RBFOX1: variants seen among roughly 807,000 people sequenced by gnomAD.
RBFOX1 encodes the protein RNA binding fox-1 homolog 1.
In RBFOX1, 8 loss-of-function variants were observed where a neutral mutation model predicts 57.7. The observed-to-expected ratio is 0.14, with a 90% CI of 0.08 to 0.25. The LOEUF (loss-of-function observed/expected upper bound fraction) is 0.25. RBFOX1 is among the 10% of genes least tolerant of loss of function. RBFOX1 has a pLI of 1.00. For synonymous variants in RBFOX1, 326 were observed against 222.4 expected (o/e 1.47, Z -4.15); for missense variants, 611 against 548.5 (o/e 1.11, Z -1.14).
At chr16:6,561,229 G>C (rs1040803188) in intron 2 of RBFOX1, among the ~76,000 whole-genome samples, 2 of 152,100 alleles carry the variant, frequency 1.3e-5, no homozygotes, top group African/African-American at 4.8e-5. Flanking sequence ...TGTCTACTAG[G>C]GAAAAGATTC....
chr16:6,291,991 A>G (rs2077517829), intron 1 of RBFOX1, among the ~76,000 whole-genome samples: 1 of 151,598 alleles, frequency 6.6e-6, no homozygotes, highest in Non-Finnish European at 1.5e-5. Flanking sequence ...GTGTGTGTGT[A>G]GTTTGGGTCT....
chr16:6,083,432 C>A (rs1033310532), intron 1 of RBFOX1, among the ~76,000 whole-genome samples: 1 of 152,132 alleles, frequency 6.6e-6, no homozygotes, highest in Non-Finnish European at 1.5e-5. Context: ...TTTCTTTCAA[C>A]TGCATATCAT....
At chr16:7,337,085 T>G (rs1357251885) in intron 4 of RBFOX1, among the ~76,000 whole-genome samples, 1 of 152,202 alleles carries the variant, frequency 6.6e-6, no homozygotes, top group African/African-American at 2.4e-5. Context: ...GGTAAGAAAT[T>G]GCAGTCATGC....
At chr16:6,579,335 C>T (rs1320792792) in intron 2 of RBFOX1, among the ~76,000 whole-genome samples, 2 of 152,050 alleles carry the variant, frequency 1.3e-5, no homozygotes, top group African/African-American at 4.8e-5. Flanking sequence ...TCTTGAGTAG[C>T]TGGGACTATA....
chr16:6,945,048 C>G (rs1046171881), intron 3 of RBFOX1, among the ~76,000 whole-genome samples: 3 of 152,060 alleles, frequency 2.0e-5, no homozygotes, highest in African/African-American at 4.8e-5. Context: ...ATCCCGTGTT[C>G]TAATGCATTA....
intron 1 of RBFOX1, among the ~76,000 whole-genome samples, chr16:5,275,586 A>T (rs2063120952): frequency 6.6e-6 from 1 of 152,254 alleles, no homozygotes. Context: ...GGGTAGACTC[A>T]CTATTGTGAA....
chr16:7,417,466 C>A (rs1315916036), intron 4 of RBFOX1, among the ~76,000 whole-genome samples: 2 of 151,826 alleles, frequency 1.3e-5, no homozygotes, highest in Non-Finnish European at 2.9e-5. Context: ...CCACCACCAC[C>A]AGGAAACTGA....
At chr16:6,777,339 G>T (rs2079546878) in intron 3 of RBFOX1, among the ~76,000 whole-genome samples, 2 of 152,108 alleles carry the variant, frequency 1.3e-5, no homozygotes, top group Admixed American at 1.3e-4. Context: ...ATACCTAGTG[G>T]ATGATGTTTA....
At chr16:6,864,464 A>C (rs2059563690) in intron 3 of RBFOX1, among the ~76,000 whole-genome samples, 1 of 152,184 alleles carries the variant, frequency 6.6e-6, no homozygotes, top group African/African-American at 2.4e-5. Flanking sequence ...TGCCCGAAAA[A>C]GTATAAATGA....
intron 4 of RBFOX1, among the ~76,000 whole-genome samples, chr16:7,206,558 C>T (rs2090019758): frequency 6.6e-6 from 1 of 151,852 alleles, no homozygotes; most frequent in Admixed American, 6.6e-5. Context: ...AATACCATTC[C>T]CTCTGCCAAT....
At chr16:6,944,399 A>G (rs1414729273) in intron 3 of RBFOX1, among the ~76,000 whole-genome samples, 11 of 60,552 alleles carry the variant, frequency 1.8e-4, no homozygotes, top group Admixed American at 5.0e-4. Context: ...ATCTCAGAGA[A>G]AAAAAAAAAA....
intron 1 of RBFOX1, among the ~76,000 whole-genome samples, chr16:6,196,001 C>G (rs902593114): frequency 6.6e-6 from 1 of 152,150 alleles, no homozygotes; most frequent in Non-Finnish European, 1.5e-5. Context: ...ATCATAAAGA[C>G]TAGGAGTACT....
intron 3 of RBFOX1, among the ~76,000 whole-genome samples, chr16:5,684,531 A>G (rs867700562): frequency 2.0e-5 from 3 of 152,162 alleles, no homozygotes; most frequent in Non-Finnish European, 4.4e-5. Flanking sequence ...TTAGCCTCAC[A>G]CAAACACCTA....
At chr16:6,802,242 CTCAG>C in intron 3 of RBFOX1, among the ~76,000 whole-genome samples, 1 of 152,202 alleles carries the variant, frequency 6.6e-6, no homozygotes, top group Admixed American at 6.5e-5. Flanking sequence ...AACTTAACCA[CTCAG>C]TCAGTGCCGA....
chr16:6,958,008 C>G (rs1442726108), intron 3 of RBFOX1, among the ~76,000 whole-genome samples: 2 of 152,152 alleles, frequency 1.3e-5, no homozygotes, highest in African/African-American at 2.4e-5. Context: ...TGGGAAGGGA[C>G]TACTCAGGGG....
At chr16:5,392,491 A>T (rs960752444) in intron 1 of RBFOX1, among the ~76,000 whole-genome samples, 1 of 151,388 alleles carries the variant, frequency 6.6e-6, no homozygotes. Context: ...TGTCTACCCA[A>T]TGTGGGATGG....
intron 3 of RBFOX1, among the ~76,000 whole-genome samples, chr16:6,902,448 G>A (rs891280844): frequency 2.6e-5 from 4 of 152,168 alleles, no homozygotes; most frequent in African/African-American, 9.7e-5. Flanking sequence ...GTTTTGCCAG[G>A]TGCAAAACCA....
At chr16:7,579,991 T>G in intron 6 of RBFOX1, 71 bp downstream of exon 6, 1 of 1,528,278 alleles carries the variant, frequency 6.5e-7, no homozygotes, top group Non-Finnish European at 9.0e-7. Flanking sequence ...TCATGTAAGT[T>G]TGGGGTATTT....
At position 6,398,206 on chromosome 16, in the gene RBFOX1, G is replaced by A. The variant is rs73532400; in HGVS notation, c.-64+81149G>A. ...ACAGCATCAGGGTCACCGCCCCCAT[G>A]GTTCAATTACTTCCCACCGGGTTTC... On this transcript the variant is annotated intron_variant, in intron 2 of 15. Transcript: ENST00000550418. Among the ~76,000 whole-genome samples the A allele has an allele frequency of 7.7e-3, 1,170 of 152,200 alleles. 20 individuals are homozygous for A. Among genetic ancestry groups the A allele is most frequent in the African/African-American group, 0.027 (1,106 of 41,530 alleles).
Sources: gnomAD v4.1 joint callset for allele counts (sites outside exome capture counted in the v4.1 genomes callset) on GRCh38, gnomAD v4.1.1 for gene constraint, MANE v1.5 for transcripts, NCBI Gene and HGNC (gene_info 2026-07-23, HGNC 2026-07-21) for gene names.